The following DAPK1 variants were observed in gnomAD, a reference collection of about 807,000 sequenced individuals.
The protein encoded by DAPK1 is death-associated protein kinase 1.
DAPK1 carries 56 observed loss-of-function variants against 144.9 expected under a neutral mutation model. The observed-to-expected ratio is 0.39, with a 90% confidence interval of 0.31 to 0.48. The LOEUF (loss-of-function observed/expected upper bound fraction) is 0.48. Among genes scored for constraint, DAPK1 ranks in the 20% least tolerant of loss-of-function variants. The pLI is 0.95. For synonymous variants in DAPK1, 690 were observed against 749.0 expected, an observed-to-expected ratio of 0.92 and a Z score of 1.29; for missense variants, 1,454 against 1,875.4, an observed-to-expected ratio of 0.78 and a Z score of 4.15.
chr9:87,511,668 T>TTGTGTGTGTGTGTGTGTG lies in DAPK1; in HGVS notation c.62+12549_62+12566dup, dbSNP rs59377718. 3.6e-3 allele frequency among the ~76,000 whole-genome samples: 510 copies of TTGTGTGTGTGTGTGTGTG among 140,722 alleles called. 3 individuals are homozygous for TTGTGTGTGTGTGTGTGTG. The highest frequency in any genetic ancestry group is 0.022 in the East Asian group (100 of 4,626). 92.3% of individuals were successfully genotyped at this position (140,722 alleles called of 152,430 possible). A position where few individuals can be genotyped will look rare whatever the true frequency, so the allele number is the denominator to read the frequency against. On this transcript the variant is annotated intron_variant, in intron 2 of 25. Transcript: ENST00000408954. Reference sequence around the variant, plus strand: ...CTGAAAGGTAGATTTTCTTTTTCTTTTGTGTGTGTGTGTGTGTGTGTGTGT... The same window carrying TTGTGTGTGTGTGTGTGTG: ...CTGAAAGGTAGATTTTCTTTTTCTTTTGTGTGTGTGTGTGTGTGTGTGTGTGTGTGTGTGTGTGTGTGT...
In DAPK1 at chr9:87,698,930, CTT is replaced by C. The variant is rs1055014292; in HGVS notation, c.2750+139_2750+140del. The C allele has an allele frequency of 2.5e-5, 15 of 600,796 alleles. No homozygotes were observed. The Admixed American group carries it at 4.6e-4, about 18-fold the overall frequency. The allele number at this position is 600,796 out of a possible 1,614,324, so 37.2% of individuals were successfully genotyped here. On this transcript the variant is annotated intron_variant, in intron 23 of 25. Transcript: ENST00000408954. ...AAAGGTCTTTCTTTCTTGGTCAACT[CTT>C]TTCTTGTACAGGTCTTGTATCCCTT...
chr9:87,577,844 T>C (rs1827620193), intron 2 of DAPK1, among the ~76,000 whole-genome samples: 1 of 152,086 alleles, frequency 6.6e-6, no homozygotes, highest in African/African-American at 2.4e-5. Context: ...TTCCTGTGTG[T>C]AACCAGGATC....
At chr9:87,550,393 C>T (rs1327898776) in intron 2 of DAPK1, among the ~76,000 whole-genome samples, 1 of 152,236 alleles carries the variant, frequency 6.6e-6, no homozygotes, top group Non-Finnish European at 1.5e-5. Flanking sequence ...TTTATTGCCT[C>T]ACAGTTTGGG....
intron 2 of DAPK1, among the ~76,000 whole-genome samples, chr9:87,508,346 A>ATT (rs200413597): frequency 0.031 from 4,297 of 140,580 alleles, 196 homozygotes; most frequent in African/African-American, 0.1. Context: ...GATTGTCAGG[A>ATT]TTTTTTTTTT....
chr9:87,541,660 A>G (rs1314524827), intron 2 of DAPK1, among the ~76,000 whole-genome samples: 1 of 152,194 alleles, frequency 6.6e-6, no homozygotes, highest in Non-Finnish European at 1.5e-5. Flanking sequence ...TAGTCAACCA[A>G]TGGAGAAATG....
At position 87,707,037 on chromosome 9, in the gene DAPK1, C is replaced by T. The variant is rs769431283; in HGVS notation, c.3966C>T (p.Pro1322=). Residue 1322 remains proline, a synonymous_variant, in exon 26 of 26, where the codon CCC becomes CCT. Coordinates refer to ENST00000408954, the MANE Select transcript of DAPK1 (RefSeq NM_004938.4). The surrounding 1 kb of genome is among the most constrained non-coding windows in gnomAD (Gnocchi z 4.0). ...GTCGCCTGCTGGACCCGCCCGACCCCCTGGGGAAGGACTGGTGCCTTCTCG... is the reference window on the plus strand; with the variant it reads ...GTCGCCTGCTGGACCCGCCCGACCCTCTGGGGAAGGACTGGTGCCTTCTCG... ...KLSRLLDPPD[P]LGKDWCLLAM... 8 of 1,613,926 alleles carry T rather than the reference C, an allele frequency of 5.0e-6. No individual in the cohort carries two copies. In the African/African-American group the frequency reaches 5.3e-5, roughly 11 times the overall value.
In DAPK1 at chr9:87,697,017, T is replaced by C; in HGVS notation, c.2424T>C (p.Asp808=). ...IQNAYLNGVG[D]FSVWEFSGNP... ...TTTCTTTTTCTGTAGGAGTTGGCGATTTCAGCGTGTGGGAGTTCTCTGGAA... is the reference window on the plus strand; with the variant it reads ...TTTCTTTTTCTGTAGGAGTTGGCGACTTCAGCGTGTGGGAGTTCTCTGGAA... Residue 808 remains aspartate (D), a synonymous_variant, in exon 22 of 26, where the codon GAT becomes GAC. Transcript: ENST00000408954. 6.4e-7 allele frequency: 1 copy of C among 1,570,598 alleles called. No individual in the cohort carries two copies. Among genetic ancestry groups the C allele is most frequent in the African/African-American group, 1.3e-5 (1 of 74,234 alleles).
chr9:87,657,936 C>A (rs1323402423), intron 17 of DAPK1, 93 bp from the exon 18 acceptor site: 1 of 716,392 alleles, frequency 1.4e-6, no homozygotes, highest in East Asian at 2.7e-5. Flanking sequence ...TTCTGGTGGG[C>A]CCTGACCCCT....
chr9:87,698,768 A>G lies in DAPK1; in HGVS notation c.2724A>G (p.Thr908=), dbSNP rs1313481842. 3 of 1,607,770 alleles carry G rather than the reference A, an allele frequency of 1.9e-6. No homozygotes were observed. The highest frequency in any genetic ancestry group is 3.3e-5 in the Admixed American group (2 of 60,004). ...GCGAGTTTGGATATGACAAAGACAC[A>G]TCGTTGCTGAAAGAGATTAGGAACA... ...AGGEFGYDKD[T]SLLKEIRNRF... The change falls in exon 23 of 26, where the codon ACA becomes ACG. Residue 908 remains threonine, a synonymous_variant. Coordinates refer to ENST00000408954, the MANE Select transcript of DAPK1 (RefSeq NM_004938.4).
intron 2 of DAPK1, among the ~76,000 whole-genome samples, chr9:87,535,897 A>T (rs1825845543): frequency 6.6e-6 from 1 of 152,198 alleles, no homozygotes; most frequent in African/African-American, 2.4e-5. Context: ...AGAGGATTAC[A>T]TCTGGGTGCT....
At chr9:87,510,043 C>A (rs1014270594) in intron 2 of DAPK1, among the ~76,000 whole-genome samples, 7 of 152,206 alleles carry the variant, frequency 4.6e-5, no homozygotes, top group Non-Finnish European at 8.8e-5. Context: ...CAGGCTCCAT[C>A]GTATATTCCA....
intron 2 of DAPK1, among the ~76,000 whole-genome samples, chr9:87,599,519 CAA>C (rs558751153): frequency 3.5e-4 from 53 of 152,224 alleles, no homozygotes; most frequent in South Asian, 8.3e-4. Context: ...ACATTTGAAT[CAA>C]GTTTTTTAAT....
At chr9:87,692,951 ACTTTTTTTTTTTTTTTT>A (rs1825118214) in intron 21 of DAPK1, among the ~76,000 whole-genome samples, 1 of 40,182 alleles carries the variant, frequency 2.5e-5, no homozygotes, top group African/African-American at 7.8e-5. Context: ...AAGTGACTAG[ACTTTTTTTTTTTTTTTT>A]TTTTTTTTTT....
At chr9:87,566,701 A>G (rs1827139160) in intron 2 of DAPK1, among the ~76,000 whole-genome samples, 1 of 152,222 alleles carries the variant, frequency 6.6e-6, no homozygotes, top group Non-Finnish European at 1.5e-5. Context: ...AAAATGAAGC[A>G]AAATTGTAGA....
intron 4 of DAPK1, among the ~76,000 whole-genome samples, chr9:87,638,499 T>C (rs1019651028): frequency 6.6e-6 from 1 of 152,204 alleles, no homozygotes; most frequent in South Asian, 2.1e-4. Context: ...CAAACTCAGA[T>C]TGGCTAATTG....
In DAPK1 at chr9:87,686,934, G is replaced by C; in HGVS notation, c.2413+195G>C. The C allele has an allele frequency of 8.2e-6, 7 of 848,932 alleles. No homozygotes were observed. The highest frequency in any genetic ancestry group is 9.9e-6 in the Non-Finnish European group (7 of 705,326). 52.6% of individuals were successfully genotyped at this position (848,932 alleles called of 1,614,324 possible). Reference sequence around the variant, plus strand: ...CTAAACAGTGAAATTAAACACTGGGGTATTGTCAGCGCCTAGTAAAGCACT... The same window carrying C: ...CTAAACAGTGAAATTAAACACTGGGCTATTGTCAGCGCCTAGTAAAGCACT... On this transcript the variant is annotated intron_variant, in intron 21 of 25. Coordinates refer to ENST00000408954, the MANE Select transcript of DAPK1 (RefSeq NM_004938.4). The surrounding 1 kb of genome is among the most constrained non-coding windows in gnomAD (Gnocchi z 4.2).
chr9:87,504,521 C>T (rs1288495608), intron 2 of DAPK1, among the ~76,000 whole-genome samples: 7 of 152,082 alleles, frequency 4.6e-5, no homozygotes, highest in Non-Finnish European at 1.0e-4. Context: ...ACTTCTTGGT[C>T]CCCCATGCTC....
At chr9:87,621,465 G>A (rs1829291191) in intron 3 of DAPK1, among the ~76,000 whole-genome samples, 5 of 152,202 alleles carry the variant, frequency 3.3e-5, no homozygotes, top group Admixed American at 2.6e-4. Context: ...TCTGCAGTAA[G>A]CATTTCTGCA....
chr9:87,586,734 C>A (rs1827952252), intron 2 of DAPK1, among the ~76,000 whole-genome samples: 1 of 152,162 alleles, frequency 6.6e-6, no homozygotes, highest in South Asian at 2.1e-4. Flanking sequence ...TATTCTGAAT[C>A]ACTAACATTA....
Sources: gnomAD v4.1 joint callset for allele counts (sites outside exome capture counted in the v4.1 genomes callset) on GRCh38, gnomAD v4.1.1 for gene constraint, Gnocchi (gnomAD v3.1) non-coding constraint, MANE v1.5 for transcripts, NCBI Gene and HGNC (gene_info 2026-07-23, HGNC 2026-07-21) for gene names.